Variants in PREX1 observed in about 807,000 individuals in gnomAD.
The protein encoded by PREX1 is phosphatidylinositol 3,4,5-trisphosphate-dependent Rac exchanger 1 protein.
A neutral mutation model predicts 198.3 loss-of-function variants in PREX1; 41 were observed. The observed-to-expected ratio is 0.21, with a 90% CI of 0.16 to 0.27. PREX1 has a LOEUF of 0.27. PREX1 is among the 10% of genes least tolerant of loss of function. PREX1 has a pLI of 1.00. For synonymous variants in PREX1, 843 were observed against 887.2 expected, an observed-to-expected ratio of 0.95 and a Z score of 0.89; for missense variants, 1,620 against 2,200.7, an observed-to-expected ratio of 0.74 and a Z score of 5.28.
At chr20:48,687,900 C>G (rs1012350856) in intron 10 of PREX1, among the ~76,000 whole-genome samples, 7 of 152,178 alleles carry the variant, frequency 4.6e-5, no homozygotes, top group African/African-American at 1.7e-4. Flanking sequence ...AAAGTGGAGG[C>G]TCTGGGCACT....
intron 1 of PREX1, among the ~76,000 whole-genome samples, chr20:48,801,780 C>T (rs1006085356): frequency 6.6e-6 from 1 of 152,144 alleles, no homozygotes; most frequent in Non-Finnish European, 1.5e-5. Context: ...GAGGCAGGGT[C>T]GCATGGGAGG....
the PREX1 span, among the ~76,000 whole-genome samples, chr20:48,883,796 T>C: frequency 6.6e-6 from 1 of 152,140 alleles, no homozygotes; most frequent in African/African-American, 2.4e-5. Flanking sequence ...ATATTATCAA[T>C]GTAGCAATAC....
At chr20:48,722,499 G>A (rs1453041070) in intron 5 of PREX1, among the ~76,000 whole-genome samples, 1 of 152,194 alleles carries the variant, frequency 6.6e-6, no homozygotes, top group African/African-American at 2.4e-5. Flanking sequence ...GGTTTCTTTT[G>A]GGGGTGACAG....
At chr20:48,837,658 G>A in the PREX1 span, among the ~76,000 whole-genome samples, 1 of 152,094 alleles carries the variant, frequency 6.6e-6, no homozygotes, top group East Asian at 1.9e-4. Flanking sequence ...CAGACACTAG[G>A]GCCTACTTGA....
upstream of PREX1, among the ~76,000 whole-genome samples, chr20:48,830,676 T>C (rs1326293696): frequency 6.6e-6 from 1 of 152,236 alleles, no homozygotes; most frequent in African/African-American, 2.4e-5. Flanking sequence ...GGGATCTTTT[T>C]CCCCTTCCAT....
intron 19 of PREX1, 62 bp from the exon 20 acceptor site, chr20:48,653,559 CTG>C (rs1200085471): frequency 5.8e-6 from 9 of 1,564,544 alleles, no homozygotes; most frequent in Non-Finnish European, 7.8e-6. Context: ...CCGCTGAACA[CTG>C]TCCCCCACCA....
chr20:48,727,152 GGA>G (rs1192711018), intron 4 of PREX1, among the ~76,000 whole-genome samples: 1 of 152,200 alleles, frequency 6.6e-6, no homozygotes, highest in Non-Finnish European at 1.5e-5. Flanking sequence ...CTCTGTGGAG[GGA>G]GAGTTTTGGG....
At chr20:48,742,435 G>A (rs1000649846) in intron 3 of PREX1, among the ~76,000 whole-genome samples, 18 of 152,168 alleles carry the variant, frequency 1.2e-4, no homozygotes. Flanking sequence ...GAGAGGTAAG[G>A]TCATTCTCCC....
chr20:48,858,001 G>A, the PREX1 span, among the ~76,000 whole-genome samples: 1 of 152,366 alleles, frequency 6.6e-6, no homozygotes, highest in Non-Finnish European at 1.5e-5. Context: ...TGGGGCTGGA[G>A]CAGAGCAGAG....
Position 48,642,216 on chromosome 20 carries a change from G to A in PREX1, c.3727C>T (p.Arg1243Trp), listed in dbSNP as rs140593918. Residue 1243 changes from arginine to tryptophan, a missense_variant, in exon 29 of 40, where the codon CGG becomes TGG. Around this residue, in one of 7 missense-constraint regions of PREX1, gnomAD observed 476 missense variants for 603.4 expected, o/e 0.79. Coordinates refer to ENST00000371941, the MANE Select transcript of PREX1 (RefSeq NM_020820.4). ...AAATGCTTGGTCTCTTCGAAAGCCC[G>A]GCTCATGACTGGCCCCTTGAGGAGA... ...NALLKGPVMS[R>W]AFEETKHFPM... 2.5e-5 allele frequency: 41 copies of A among 1,614,078 alleles called. No homozygotes were observed. The Admixed American group carries it at 2.8e-4, about 11-fold the overall frequency.
At chr20:48,825,774 G>C (rs1456122938) in intron 1 of PREX1, among the ~76,000 whole-genome samples, 1 of 151,742 alleles carries the variant, frequency 6.6e-6, no homozygotes, top group Admixed American at 6.6e-5. Context: ...GAGTTCCCTA[G>C]AATTTGACAT....
chr20:48,810,142 C>A (rs2123040327), intron 1 of PREX1, among the ~76,000 whole-genome samples: 1 of 152,320 alleles, frequency 6.6e-6, no homozygotes, highest in East Asian at 1.9e-4. Flanking sequence ...CTAGTAAACA[C>A]ACAGGAATAC....
At chr20:48,742,166 G>C (rs901362096) in intron 3 of PREX1, among the ~76,000 whole-genome samples, 1 of 152,146 alleles carries the variant, frequency 6.6e-6, no homozygotes, top group African/African-American at 2.4e-5. Context: ...TGAGGTGCAG[G>C]GGGGCTCATG....
chr20:48,757,015 C>G (rs367906260), intron 1 of PREX1, among the ~76,000 whole-genome samples: 1 of 152,086 alleles, frequency 6.6e-6, no homozygotes, highest in African/African-American at 2.4e-5. Flanking sequence ...GGGAAAGACC[C>G]GCCCCCATGA....
chr20:48,669,238 C>T (rs915442939), intron 14 of PREX1, among the ~76,000 whole-genome samples: 10 of 152,094 alleles, frequency 6.6e-5, no homozygotes, highest in Non-Finnish European at 1.3e-4. Flanking sequence ...TGCCCTGCCC[C>T]GGCTTTGCAG....
intron 31 of PREX1, among the ~76,000 whole-genome samples, chr20:48,636,963 T>A (rs936273433): frequency 6.6e-6 from 1 of 152,256 alleles, no homozygotes. Context: ...GTGATTTTCC[T>A]AAGGGTTTCC....
chr20:48,746,975 CA>C (rs1474248597), intron 2 of PREX1, among the ~76,000 whole-genome samples: 17 of 147,178 alleles, frequency 1.2e-4, no homozygotes, highest in Middle Eastern at 7.0e-3. Flanking sequence ...CACACACACA[CA>C]CACACACACA....
chr20:48,663,780 A>G (rs1299061337), intron 15 of PREX1, among the ~76,000 whole-genome samples: 1 of 152,178 alleles, frequency 6.6e-6, no homozygotes, highest in Non-Finnish European at 1.5e-5. Flanking sequence ...AACCCCTTGC[A>G]ACCACCAGGT....
chr20:48,682,576 G>A (rs1601073168), intron 10 of PREX1, among the ~76,000 whole-genome samples: 3 of 152,306 alleles, frequency 2.0e-5, no homozygotes, highest in South Asian at 2.1e-4. Context: ...TGAACCATCC[G>A]ACAGAAAGGA....
Sources: allele counts gnomAD v4.1 joint callset (sites outside exome capture counted in the v4.1 genomes callset), GRCh38; gene constraint gnomAD v4.1.1; regional missense constraint gnomAD v4.1.1; transcripts MANE v1.5; gene names NCBI Gene and HGNC (gene_info 2026-07-23, HGNC 2026-07-21).